Variants in CSMD1 observed in about 807,000 individuals in gnomAD.
CSMD1 encodes the protein CUB and sushi domain-containing protein 1.
A neutral mutation model predicts 417.5 loss-of-function variants in CSMD1; 213 were observed. The ratio of observed to expected loss-of-function variants is 0.51; its 90% CI spans 0.46 to 0.57. The LOEUF (loss-of-function observed/expected upper bound fraction) is 0.57. Among genes scored for constraint, CSMD1 ranks in the 20% least tolerant of loss-of-function variants. The pLI, the probability that CSMD1 is intolerant of heterozygous loss-of-function variation, is 0.00. For missense variants in CSMD1, 6,923 were observed against 4,529.7 expected (o/e 1.53, Z -15.17); for synonymous variants, 2,862 against 1,736.8 (o/e 1.65, Z -16.11).
Position 4,401,860 on chromosome 8 carries a change from C to A in CSMD1, c.415+18093G>T, listed in dbSNP as rs80061700. Among the ~76,000 whole-genome samples the A allele has an allele frequency of 8.3e-3, 1,270 of 152,196 alleles. 16 individuals are homozygous for A. The highest frequency in any genetic ancestry group is 0.029 in the African/African-American group (1,198 of 41,494). On this transcript the variant is annotated intron_variant, in intron 3 of 69. Coordinates refer to ENST00000635120, the MANE Select transcript of CSMD1 (RefSeq NM_033225.6). ...CATCATCATTTCCTGACTTTCCCCC[C>A]AAATTCCCAGCTTTGACTCTTCTGT... is the stretch of plus-strand genomic sequence containing the variant.
intron 3 of CSMD1, among the ~76,000 whole-genome samples, chr8:4,314,583 C>T (rs534918267): frequency 2.1e-5 from 3 of 142,656 alleles, no homozygotes; most frequent in Non-Finnish European, 4.5e-5. Context: ...TTTACTTATG[C>T]TACTGGTTGT....
intron 3 of CSMD1, among the ~76,000 whole-genome samples, chr8:4,133,992 A>G (rs748872530): frequency 2.0e-5 from 3 of 152,342 alleles, no homozygotes; most frequent in Non-Finnish European, 4.4e-5. Flanking sequence ...TCTTATCCAT[A>G]AAAGAAGAGA....
At chr8:3,021,823 C>A (rs545871234) in intron 51 of CSMD1, among the ~76,000 whole-genome samples, 24 of 151,130 alleles carry the variant, frequency 1.6e-4, no homozygotes, top group African/African-American at 5.6e-4. Context: ...AATCCCACAG[C>A]ATCCGGAATG....
intron 11 of CSMD1, among the ~76,000 whole-genome samples, chr8:3,491,220 T>G (rs1016009273): frequency 2.0e-5 from 3 of 152,096 alleles, no homozygotes; most frequent in Non-Finnish European, 2.9e-5. Flanking sequence ...CGATAAAGAC[T>G]CAAGATCCTG....
chr8:3,318,142 G>C (rs1805901079), intron 23 of CSMD1, among the ~76,000 whole-genome samples: 2 of 152,148 alleles, frequency 1.3e-5, no homozygotes, highest in Admixed American at 6.5e-5. Flanking sequence ...CTTTCCTGAT[G>C]ATGAAGCTAG....
intron 5 of CSMD1, among the ~76,000 whole-genome samples, chr8:3,761,331 G>C (rs538846162): frequency 2.5e-4 from 38 of 151,950 alleles, no homozygotes; most frequent in African/African-American, 7.0e-4. Context: ...TATTTACATA[G>C]TTACCAATAT....
chr8:4,392,109 G>A (rs937855934), intron 3 of CSMD1, among the ~76,000 whole-genome samples: 2 of 152,184 alleles, frequency 1.3e-5, no homozygotes, highest in Non-Finnish European at 2.9e-5. Context: ...AAGACCAGCA[G>A]AATCTGTACA....
At position 3,267,286 on chromosome 8, in the gene CSMD1, C is replaced by A. The variant is rs75330283; in HGVS notation, c.4153+16858G>T. 7.0e-3 allele frequency among the ~76,000 whole-genome samples: 1,071 copies of A among 152,278 alleles called. 11 individuals carry two copies. Among genetic ancestry groups the A allele is most frequent in the African/African-American group, 0.024 (1,006 of 41,566 alleles). ...GAAGGGAAACCCCCTGATAGCTTTG[C>A]GTCTCACAAGGCGTGATATCCCACT... is the stretch of plus-strand genomic sequence containing the variant. On this transcript the variant is annotated intron_variant, in intron 26 of 69. Transcript: ENST00000635120.
At chr8:4,323,318 A>G (rs2128885540) in intron 3 of CSMD1, among the ~76,000 whole-genome samples, 1 of 152,318 alleles carries the variant, frequency 6.6e-6, no homozygotes, top group South Asian at 2.1e-4. Context: ...TCTATATAGT[A>G]CTTCAACCCC....
chr8:4,259,425 C>T (rs114899485), intron 3 of CSMD1, among the ~76,000 whole-genome samples: 5 of 152,172 alleles, frequency 3.3e-5, no homozygotes, highest in African/African-American at 1.2e-4. Flanking sequence ...ATAATTATAC[C>T]AGGACCCATC....
chr8:4,310,366 C>T (rs4875325), intron 3 of CSMD1, among the ~76,000 whole-genome samples: 96,049 of 151,634 alleles, frequency 0.63, 31,336 homozygotes, highest in East Asian at 0.86. Flanking sequence ...AAAGGGTTCA[C>T]AGACAGTGTT....
intron 12 of CSMD1, among the ~76,000 whole-genome samples, chr8:3,430,181 T>A (rs1814128754): frequency 6.6e-6 from 1 of 152,136 alleles, no homozygotes; most frequent in African/African-American, 2.4e-5. Context: ...AATTCTAATA[T>A]CTCATCTTCC....
At chr8:4,122,011 T>C (rs1802513494) in intron 3 of CSMD1, among the ~76,000 whole-genome samples, 1 of 152,060 alleles carries the variant, frequency 6.6e-6, no homozygotes, top group African/African-American at 2.4e-5. Flanking sequence ...TCATTAAGAA[T>C]AATTTTAAAT....
intron 8 of CSMD1, among the ~76,000 whole-genome samples, chr8:3,595,706 G>T (rs1801058319): frequency 1.3e-5 from 2 of 152,146 alleles, no homozygotes; most frequent in African/African-American, 4.8e-5. Flanking sequence ...TTGTGTGAGG[G>T]AATTTGATTT....
intron 42 of CSMD1, among the ~76,000 whole-genome samples, chr8:3,110,568 T>C (rs1367854165): frequency 3.9e-5 from 6 of 152,214 alleles, no homozygotes; most frequent in African/African-American, 1.4e-4. Flanking sequence ...TCTCCATATC[T>C]TCAAAATCCC....
At chr8:3,325,821 C>G (rs966145600) in intron 23 of CSMD1, among the ~76,000 whole-genome samples, 1 of 152,026 alleles carries the variant, frequency 6.6e-6, no homozygotes, top group Non-Finnish European at 1.5e-5. Context: ...GAGGCTCCGT[C>G]TCAAACAAAA....
intron 1 of CSMD1, among the ~76,000 whole-genome samples, chr8:4,968,644 A>G (rs765654484): frequency 1.4e-4 from 21 of 152,104 alleles, no homozygotes; most frequent in South Asian, 6.2e-4. Context: ...CAAATATTCT[A>G]TCAACAGCTA....
At chr8:2,942,446 TCAAA>T in intron 69 of CSMD1, 22 bp downstream of exon 69, 1 of 1,601,156 alleles carries the variant, frequency 6.2e-7, no homozygotes, top group Non-Finnish European at 8.5e-7. Context: ...CACAACATTC[TCAAA>T]CAGATGGTGT....
intron 5 of CSMD1, among the ~76,000 whole-genome samples, chr8:3,922,090 T>C (rs940249329): frequency 1.3e-5 from 2 of 152,140 alleles, no homozygotes; most frequent in Non-Finnish European, 2.9e-5. Context: ...TAATTTTATA[T>C]AGTTTTCATG....
Sources: allele counts gnomAD v4.1 joint callset (sites outside exome capture counted in the v4.1 genomes callset), GRCh38; gene constraint gnomAD v4.1.1; transcripts MANE v1.5; gene names NCBI Gene and HGNC (gene_info 2026-07-23, HGNC 2026-07-21).